NUDCD1: variants seen among roughly 807,000 people sequenced by gnomAD.
NUDCD1 encodes the protein nudC domain-containing protein 1.
Under a neutral mutation model 67.8 loss-of-function variants are expected in NUDCD1, and 60 were observed. That is an observed-to-expected ratio of 0.88 (90% CI 0.72 to 1.10). NUDCD1 has a LOEUF of 1.10. NUDCD1 is among the 50% of genes least tolerant of loss of function. The pLI is 0.00. For synonymous variants in NUDCD1, 244 were observed against 230.8 expected, an observed-to-expected ratio of 1.06 and a Z score of -0.52; for missense variants, 643 against 695.0, an observed-to-expected ratio of 0.93 and a Z score of 0.84.
chr8:109,255,657 G>T (rs1678618762), intron 8 of NUDCD1, among the ~76,000 whole-genome samples: 1 of 110,910 alleles, frequency 9.0e-6, no homozygotes, highest in Non-Finnish European at 1.9e-5. Context: ...ATACATATCA[G>T]AAAATAGAAA....
intron 8 of NUDCD1, among the ~76,000 whole-genome samples, chr8:109,269,631 G>A (rs945161140): frequency 3.3e-5 from 5 of 152,024 alleles, no homozygotes; most frequent in African/African-American, 1.2e-4. Flanking sequence ...GGGCACACTT[G>A]GCAGACATTT....
intron 2 of NUDCD1, among the ~76,000 whole-genome samples, chr8:109,301,514 C>T (rs1027590947): frequency 5.9e-5 from 9 of 152,304 alleles, no homozygotes; most frequent in Admixed American, 2.0e-4. Flanking sequence ...GCCGAAGACC[C>T]GGGACAGGAG....
intron 2 of NUDCD1, among the ~76,000 whole-genome samples, chr8:109,317,055 A>G (rs752313007): frequency 6.6e-6 from 1 of 152,208 alleles, no homozygotes; most frequent in Non-Finnish European, 1.5e-5. Flanking sequence ...TAATCTTAAG[A>G]GCATAACGCA....
Position 109,245,384 on chromosome 8 carries a change from C to T in NUDCD1, c.1397G>A (p.Trp466Ter). Residue 466 changes from tryptophan to a stop codon, truncating the protein, a stop_gained, in exon 9 of 10, where the codon TGG becomes TAG. Coordinates refer to ENST00000239690, the MANE Select transcript of NUDCD1 (RefSeq NM_032869.4). LOFTEE classifies it high-confidence loss of function. Reference protein sequence around the residue: ...CLRHDVDALLWQPHSSKQDDM... With the variant: ...CLRHDVDALL ...ATCTTGTTTGCTGGAGTGTGGTTGC[C>T]AGAGTAGGGCATCAACATCATGGCG... The T allele has an allele frequency of 6.2e-7, 1 of 1,613,778 alleles. No homozygotes were observed. The highest frequency in any genetic ancestry group is 1.1e-5 in the South Asian group (1 of 91,046).
chr8:109,307,312 T>G (rs2130082080), intron 2 of NUDCD1, among the ~76,000 whole-genome samples: 1 of 152,358 alleles, frequency 6.6e-6, no homozygotes, highest in South Asian at 2.1e-4. Context: ...TGTATGCCTA[T>G]CCCAAACCTG....
At chr8:109,325,458 T>A (rs1815657988) in intron 1 of NUDCD1, among the ~76,000 whole-genome samples, 1 of 152,120 alleles carries the variant, frequency 6.6e-6, no homozygotes, top group Admixed American at 6.5e-5. Context: ...AAATATAACA[T>A]AAAATCCCAG....
chr8:109,324,649 G>A (rs906430304), intron 1 of NUDCD1, among the ~76,000 whole-genome samples: 9 of 152,150 alleles, frequency 5.9e-5, no homozygotes, highest in African/African-American at 1.7e-4. Flanking sequence ...GCCAAGACAT[G>A]GGGGAAACCT....
intron 7 of NUDCD1, among the ~76,000 whole-genome samples, chr8:109,272,811 C>A (rs746888044): frequency 1.4e-4 from 22 of 152,120 alleles, no homozygotes; most frequent in Admixed American, 3.3e-4. Flanking sequence ...GTTGCCTCTA[C>A]TCTAAATATC....
intron 2 of NUDCD1, chr8:109,298,952 T>G (rs192265794): frequency 3.5e-4 from 53 of 152,354 alleles, no homozygotes; most frequent in Admixed American, 1.8e-3. Context: ...ACTGTGGAAG[T>G]AGGAAAGAGA....
Position 109,334,087 on chromosome 8 carries a change from T to C in NUDCD1, c.-77A>G. ...CGCGCTTCACGCCTCGCACAGAGAC[T>C]GGGAAGCGGCGTGGTTCCCATCCCA... is the stretch of plus-strand genomic sequence containing the variant. On this transcript the variant is annotated 5_prime_UTR_variant, in exon 1 of 10. Transcript: ENST00000239690. 6 of 1,595,138 alleles carry C rather than the reference T, an allele frequency of 3.8e-6. No homozygotes were observed. The South Asian group carries it at 5.6e-5, about 15-fold the overall frequency.
intron 1 of NUDCD1, among the ~76,000 whole-genome samples, chr8:109,326,605 T>C (rs901937513): frequency 1.3e-5 from 2 of 152,152 alleles, no homozygotes; most frequent in African/African-American, 2.4e-5. Context: ...ATACCTTGCA[T>C]TGAAAATAAA....
intron 8 of NUDCD1, among the ~76,000 whole-genome samples, chr8:109,254,928 T>C (rs1361999400): frequency 6.6e-6 from 1 of 152,196 alleles, no homozygotes; most frequent in Admixed American, 6.5e-5. Context: ...ACTGTGTTCT[T>C]ACTATGCATC....
chr8:109,254,584 A>T (rs1424385902), intron 8 of NUDCD1, among the ~76,000 whole-genome samples: 3 of 152,082 alleles, frequency 2.0e-5, no homozygotes, highest in Non-Finnish European at 4.4e-5. Flanking sequence ...ACTCTAGAAA[A>T]GGTTATATTT....
At chr8:109,260,397 C>T (rs1207999954) in intron 8 of NUDCD1, among the ~76,000 whole-genome samples, 2 of 152,132 alleles carry the variant, frequency 1.3e-5, no homozygotes, top group African/African-American at 4.8e-5. Context: ...GGTGGAGTCT[C>T]GCTATGTTGC....
intron 2 of NUDCD1, among the ~76,000 whole-genome samples, chr8:109,313,417 C>A (rs1001295596): frequency 1.3e-5 from 2 of 152,116 alleles, no homozygotes; most frequent in African/African-American, 4.8e-5. Flanking sequence ...CATGATACGA[C>A]AGCACAAAGT....
At chr8:109,302,690 T>C (rs1357610889) in intron 2 of NUDCD1, among the ~76,000 whole-genome samples, 2 of 152,196 alleles carry the variant, frequency 1.3e-5, no homozygotes, top group African/African-American at 2.4e-5. Context: ...TCTTTCTTTA[T>C]AAGACATCTC....
chr8:109,251,176 T>C (rs3134471), intron 8 of NUDCD1, among the ~76,000 whole-genome samples: 7,324 of 132,712 alleles, frequency 0.055, 636 homozygotes, highest in East Asian at 0.43. Flanking sequence ...TTCTTTTTTT[T>C]TTTTTCTTTT....
intron 8 of NUDCD1, among the ~76,000 whole-genome samples, chr8:109,261,907 A>G (rs1459375627): frequency 6.6e-6 from 1 of 152,178 alleles, no homozygotes; most frequent in East Asian, 1.9e-4. Context: ...AGTACACACC[A>G]TAAAGAAGTA....
chr8:109,246,961 G>A (rs532780719), intron 8 of NUDCD1, among the ~76,000 whole-genome samples: 2 of 152,286 alleles, frequency 1.3e-5, no homozygotes, highest in East Asian at 3.9e-4. Context: ...CAGTGTCAGA[G>A]CAACCCATCT....
Sources: gnomAD v4.1 joint callset for allele counts (sites outside exome capture counted in the v4.1 genomes callset) on GRCh38, gnomAD v4.1.1 for gene constraint, MANE v1.5 for transcripts, NCBI Gene and HGNC (gene_info 2026-07-23, HGNC 2026-07-21) for gene names.